The following BAD variants were observed in gnomAD, a reference collection of about 807,000 sequenced individuals.
The protein encoded by BAD is bcl2-associated agonist of cell death.
In BAD, 18 loss-of-function variants were observed where a neutral mutation model predicts 17.8. The observed-to-expected ratio is 1.01, with a 90% CI of 0.70 to 1.50. The LOEUF (loss-of-function observed/expected upper bound fraction) is 1.50. BAD is among the 40% of genes most tolerant of loss of function. The pLI is 0.00. For synonymous variants in BAD, 112 were observed against 91.5 expected, an observed-to-expected ratio of 1.22 and a Z score of -1.28; for missense variants, 294 against 239.3, an observed-to-expected ratio of 1.23 and a Z score of -1.51.
At chr11:64,271,439 G>A (rs2032597245) in intron 3 of BAD, among the ~76,000 whole-genome samples, 174 bp downstream of exon 3, 1 of 151,850 alleles carries the variant, frequency 6.6e-6, no homozygotes, top group Non-Finnish European at 1.5e-5. Flanking sequence ...GTGGGGGCGG[G>A]GAAGTCTTGT....
intron 2 of BAD, among the ~76,000 whole-genome samples, chr11:64,280,491 A>G (rs1244560239): frequency 6.9e-6 from 1 of 145,574 alleles, no homozygotes; most frequent in Non-Finnish European, 1.5e-5. Flanking sequence ...AGCTGGGACT[A>G]TAGGCACCCA....
Position 64,284,253 on chromosome 11 carries a change from C to G in BAD, c.116G>C (p.Arg39Pro). 3.7e-6 allele frequency: 6 copies of G among 1,611,022 alleles called. No homozygotes were observed. Among genetic ancestry groups the G allele is most frequent in the Non-Finnish European group, 5.1e-6 (6 of 1,179,632 alleles). ...DGPSGSGKHH[R>P]QAPGLLWDAS... ...GTCCCACAGGAGGCCTGGGGCCTGG[C>G]GATGATGCTTGCCGGAGCCTGAGGG... The change falls in exon 2 of 4, where the codon CGC becomes CCC. Residue 39 changes from arginine to proline, a missense_variant. Transcript: ENST00000309032.
intron 2 of BAD, among the ~76,000 whole-genome samples, chr11:64,281,962 G>A (rs2033506728): frequency 6.6e-6 from 1 of 152,120 alleles, no homozygotes; most frequent in African/African-American, 2.4e-5. Flanking sequence ...CTTGTGATAC[G>A]CCCACCTAGG....
intron 2 of BAD, chr11:64,272,957 T>C (rs1288298443): frequency 6.6e-6 from 1 of 152,216 alleles, no homozygotes; most frequent in Non-Finnish European, 1.5e-5. Context: ...TGGGCGTGAT[T>C]CCTCACGCCT....
At chr11:64,270,466 G>C (rs994659949) in intron 3 of BAD, 129 bp from the exon 4 acceptor site, 1 of 1,317,692 alleles carries the variant, frequency 7.6e-7, no homozygotes, top group African/African-American at 1.5e-5. Context: ...CTCCCAGGAG[G>C]CTCCACGCCG....
chr11:64,284,644 T>C lies in BAD; in HGVS notation c.-22A>G, dbSNP rs1485063599. ...CACAGGTCTCACCCCAAGCCCGATC[T>C]CGAGGCCCCTGACCCGGGCCTGCCG... On this transcript the variant is annotated 5_prime_UTR_variant, in exon 1 of 4. Coordinates refer to ENST00000309032, the MANE Select transcript of BAD (RefSeq NM_032989.3). The C allele has an allele frequency of 2.6e-6, 4 of 1,530,926 alleles. No homozygotes were observed. In the South Asian group the frequency reaches 3.6e-5, roughly 14 times the overall value. The allele number at this position is 1,530,926 out of a possible 1,614,324, so 94.8% of individuals were successfully genotyped here. A position where few individuals can be genotyped will look rare whatever the true frequency, so the allele number is the denominator to read the frequency against.
At chr11:64,284,603 G>C in intron 1 of BAD, 28 bp downstream of exon 1, 1 of 1,497,800 alleles carries the variant, frequency 6.7e-7, no homozygotes, top group Non-Finnish European at 8.9e-7. Flanking sequence ...GCCCCGCCCC[G>C]CCCGTGGTGA....
At chr11:64,271,974 C>T (rs2032663963) in intron 2 of BAD, 171 bp from the exon 3 acceptor site, 1 of 446,434 alleles carries the variant, frequency 2.2e-6, no homozygotes, top group South Asian at 1.0e-4. Flanking sequence ...CGAGGGGAAG[C>T]TCAGGGGCCT....
intron 2 of BAD, among the ~76,000 whole-genome samples, chr11:64,279,054 G>A (rs907404946): frequency 6.6e-6 from 1 of 152,118 alleles, no homozygotes; most frequent in African/African-American, 2.4e-5. Context: ...GTCGTCCCTG[G>A]CCTGTGCAGA....
intron 2 of BAD, chr11:64,276,837 C>T (rs575997979): frequency 1.4e-4 from 101 of 713,496 alleles, no homozygotes; most frequent in African/African-American, 1.3e-3. Context: ...GAGCCTGGCC[C>T]GGAGCTGGGT....
intron 2 of BAD, among the ~76,000 whole-genome samples, chr11:64,273,528 C>T (rs564458163): frequency 1.8e-4 from 28 of 152,046 alleles, no homozygotes; most frequent in Non-Finnish European, 3.5e-4. Context: ...CTACCCAGAC[C>T]GATAAAGACT....
chr11:64,284,277 G>C lies in BAD; in HGVS notation c.92C>G (p.Pro31Arg). The C allele has an allele frequency of 4.3e-6, 7 of 1,611,736 alleles. No homozygotes were observed. Among genetic ancestry groups the C allele is most frequent in the South Asian group, 1.1e-5 (1 of 91,082 alleles). The change falls in exon 2 of 4, where the codon CCC becomes CGC. Residue 31 changes from proline to arginine, a missense_variant. Pro to Arg is a moderately radical substitution (Grantham distance 103). Coordinates refer to ENST00000309032, the MANE Select transcript of BAD (RefSeq NM_032989.3). ...GCGATGATGCTTGCCGGAGCCTGAG[G>C]GCCCGTCCCCTGCGGGGCTGGGGCC... ...GLGPSPAGDG[P>R]SGSGKHHRQA...
intron 2 of BAD, among the ~76,000 whole-genome samples, chr11:64,281,121 C>G (rs2033440357): frequency 6.6e-6 from 1 of 152,212 alleles, no homozygotes; most frequent in Admixed American, 6.5e-5. Context: ...GCGCCCACCA[C>G]CACGCCCAGA....
At chr11:64,280,253 G>T (rs932390715) in intron 2 of BAD, among the ~76,000 whole-genome samples, 6 of 150,270 alleles carry the variant, frequency 4.0e-5, no homozygotes, top group Non-Finnish European at 8.9e-5. Context: ...CCGGGAGGCA[G>T]AGCTTGCAGT....
chr11:64,282,924 T>G (rs1354039882), intron 2 of BAD, among the ~76,000 whole-genome samples: 2 of 150,956 alleles, frequency 1.3e-5, no homozygotes, highest in African/African-American at 2.4e-5. Flanking sequence ...ATAAATTAAC[T>G]GGGTGTGGTC....
intron 3 of BAD, among the ~76,000 whole-genome samples, 160 bp downstream of exon 3, chr11:64,271,453 T>C (rs1207014689): frequency 1.3e-5 from 2 of 148,498 alleles, no homozygotes; most frequent in Admixed American, 1.3e-4. Context: ...GTCTTGTGAC[T>C]ACAAATCCCA....
chr11:64,281,646 C>T (rs542453988), intron 2 of BAD, among the ~76,000 whole-genome samples: 1 of 152,352 alleles, frequency 6.6e-6, no homozygotes, highest in South Asian at 2.1e-4. Context: ...GGCCTTGGCT[C>T]CAGTGGTGCT....
intron 2 of BAD, among the ~76,000 whole-genome samples, chr11:64,277,662 C>A (rs999033230): frequency 5.9e-5 from 9 of 152,146 alleles, no homozygotes; most frequent in Non-Finnish European, 1.0e-4. Flanking sequence ...TGGTCTCGAA[C>A]TCCTGAGCTC....
In BAD at chr11:64,281,806, C is replaced by T. The variant is rs187069848; in HGVS notation, c.187+2376G>A. ...CACGATCTTGGCTCACTGCAACCTC[C>T]GCCTCCCGGGTTCAAGCGATTCTCC... On this transcript the variant is annotated intron_variant, in intron 2 of 3. Coordinates refer to ENST00000309032, the MANE Select transcript of BAD (RefSeq NM_032989.3). Among the ~76,000 whole-genome samples, 75 of 152,280 alleles carry T rather than the reference C, an allele frequency of 4.9e-4. No individual in the cohort carries two copies. The East Asian group carries it at 0.014, about 29-fold the overall frequency.
Sources: allele counts gnomAD v4.1 joint callset (sites outside exome capture counted in the v4.1 genomes callset), GRCh38; gene constraint gnomAD v4.1.1; transcripts MANE v1.5; gene names NCBI Gene and HGNC (gene_info 2026-07-23, HGNC 2026-07-21).